RHBDD1: variants seen among roughly 807,000 people sequenced by gnomAD.
RHBDD1 encodes rhomboid-related protein 4.
A neutral mutation model predicts 36.3 loss-of-function variants in RHBDD1; 38 were observed. The observed-to-expected ratio is 1.05, with a 90% confidence interval of 0.81 to 1.37. RHBDD1 has a LOEUF of 1.37. RHBDD1 is among the 40% of genes most tolerant of loss of function. The probability of loss-of-function intolerance (pLI) is 0.00; values close to 1 mark genes in which losing one functional copy is unlikely to be tolerated. For synonymous variants in RHBDD1, 151 were observed against 136.5 expected (o/e 1.11, Z -0.74); for missense variants, 393 against 377.6 (o/e 1.04, Z -0.34).
chr2:226,971,770 T>C (rs1034112047), intron 8 of RHBDD1, among the ~76,000 whole-genome samples: 3 of 152,226 alleles, frequency 2.0e-5, no homozygotes, highest in African/African-American at 7.2e-5. Flanking sequence ...ATCTGTCATG[T>C]AATTTGTGTG....
Position 226,905,650 on chromosome 2 carries a change from G to A in RHBDD1, c.567-1143G>A, listed in dbSNP as rs532990027. Reference sequence around the variant, plus strand: ...GTGTGGGATGCACTGGAGAGCAAGAGCTGGCTTGCAGGGAGACCAGCTGGA... The same window carrying A: ...GTGTGGGATGCACTGGAGAGCAAGAACTGGCTTGCAGGGAGACCAGCTGGA... On this transcript the variant is annotated intron_variant, in intron 5 of 8. Transcript: ENST00000392062. Among the ~76,000 whole-genome samples, 216 of 152,344 alleles carry A rather than the reference G, an allele frequency of 1.4e-3. 9 individuals carry two copies. The South Asian group carries it at 0.043, about 30-fold the overall frequency.
intron 5 of RHBDD1, among the ~76,000 whole-genome samples, chr2:226,898,978 T>C (rs1947361346): frequency 6.6e-6 from 1 of 152,240 alleles, no homozygotes; most frequent in Non-Finnish European, 1.5e-5. Context: ...GATTATGTCT[T>C]AGAGTATTAC....
chr2:226,933,961 C>G (rs1413930713), intron 8 of RHBDD1, among the ~76,000 whole-genome samples: 2 of 151,932 alleles, frequency 1.3e-5, no homozygotes, highest in Non-Finnish European at 2.9e-5. Flanking sequence ...CTCTTGGATT[C>G]CAAGGTTTTA....
At chr2:226,887,157 G>A (rs1031029587) in intron 5 of RHBDD1, among the ~76,000 whole-genome samples, 4 of 152,122 alleles carry the variant, frequency 2.6e-5, no homozygotes, top group African/African-American at 4.8e-5. Context: ...TTCTAAGACT[G>A]TTTTAAAAGA....
intron 8 of RHBDD1, among the ~76,000 whole-genome samples, chr2:226,974,297 G>A (rs1189407966): frequency 1.3e-5 from 2 of 152,022 alleles, no homozygotes; most frequent in Non-Finnish European, 2.9e-5. Context: ...GAGTGCAGTG[G>A]TGTGATCTCG....
intron 5 of RHBDD1, chr2:226,869,235 G>C (rs1944585482): frequency 1.0e-6 from 1 of 962,632 alleles, no homozygotes; most frequent in Non-Finnish European, 1.2e-6. Flanking sequence ...AGCTTGGGAA[G>C]TAAATGAAAT....
intron 8 of RHBDD1, among the ~76,000 whole-genome samples, chr2:226,929,608 G>A (rs757012963): frequency 9.2e-5 from 14 of 151,910 alleles, no homozygotes; most frequent in Admixed American, 2.6e-4. Context: ...AAGGATGCCC[G>A]CTTTCACCAC....
chr2:226,984,460 G>A (rs567942070), intron 8 of RHBDD1, among the ~76,000 whole-genome samples: 2 of 152,178 alleles, frequency 1.3e-5, no homozygotes, highest in African/African-American at 4.8e-5. Flanking sequence ...GCCATCACGG[G>A]GGCTCCACCC....
the RHBDD1 span, among the ~76,000 whole-genome samples, chr2:226,816,164 T>A: frequency 6.6e-6 from 1 of 152,110 alleles, no homozygotes; most frequent in South Asian, 2.1e-4. Context: ...TTTCACCTTC[T>A]TCCCCCATGA....
At chr2:226,956,345 C>T (rs1340601905) in intron 8 of RHBDD1, among the ~76,000 whole-genome samples, 8 of 152,172 alleles carry the variant, frequency 5.3e-5, no homozygotes, top group Admixed American at 1.3e-4. Flanking sequence ...CATCTGGCCT[C>T]TCCAGACACG....
chr2:226,961,985 C>T (rs1208545332), intron 8 of RHBDD1, among the ~76,000 whole-genome samples: 3 of 152,156 alleles, frequency 2.0e-5, no homozygotes, highest in African/African-American at 4.8e-5. Flanking sequence ...CTAATGCCTC[C>T]GGTGTCTTTC....
At chr2:226,967,123 T>A (rs775267796) in intron 8 of RHBDD1, among the ~76,000 whole-genome samples, 2 of 152,188 alleles carry the variant, frequency 1.3e-5, no homozygotes, top group Admixed American at 6.5e-5. Context: ...GAACCTGTTA[T>A]AGAAGATGGA....
chr2:226,833,563 C>T (rs561221224), upstream of RHBDD1, among the ~76,000 whole-genome samples: 3 of 152,314 alleles, frequency 2.0e-5, no homozygotes, highest in East Asian at 5.8e-4. Flanking sequence ...TTCCTGTAAA[C>T]CTTAGATAAA....
chr2:226,930,339 C>T (rs187789649), intron 8 of RHBDD1, among the ~76,000 whole-genome samples: 1 of 151,928 alleles, frequency 6.6e-6, no homozygotes, highest in East Asian at 1.9e-4. Flanking sequence ...AATAGAGAAC[C>T]CAGAAATAAA....
chr2:226,982,603 A>G (rs1301342684), intron 8 of RHBDD1, among the ~76,000 whole-genome samples: 6 of 152,328 alleles, frequency 3.9e-5, no homozygotes, highest in Non-Finnish European at 7.4e-5. Flanking sequence ...TGTGAATTTC[A>G]TAGACAAAAC....
intron 5 of RHBDD1, among the ~76,000 whole-genome samples, chr2:226,887,676 CTT>C (rs1946345991): frequency 6.6e-6 from 1 of 152,212 alleles, no homozygotes; most frequent in East Asian, 1.9e-4. Context: ...TGAAAATGCT[CTT>C]GTCAAACAGT....
At chr2:226,964,466 A>G (rs1351542374) in intron 8 of RHBDD1, among the ~76,000 whole-genome samples, 5 of 152,078 alleles carry the variant, frequency 3.3e-5, no homozygotes, top group Admixed American at 3.3e-4. Context: ...TTGCAGGCCC[A>G]CCCACCTCCA....
intron 5 of RHBDD1, among the ~76,000 whole-genome samples, chr2:226,868,454 G>A (rs1944518163): frequency 6.6e-6 from 1 of 152,142 alleles, no homozygotes; most frequent in African/African-American, 2.4e-5. Flanking sequence ...GATAAGTTGT[G>A]TTATTTTTTC....
At chr2:226,892,129 C>A (rs1946740206) in intron 5 of RHBDD1, among the ~76,000 whole-genome samples, 1 of 152,190 alleles carries the variant, frequency 6.6e-6, no homozygotes. Flanking sequence ...TAAGCAGATT[C>A]AGCTCAAATG....
Sources: allele counts gnomAD v4.1 joint callset (sites outside exome capture counted in the v4.1 genomes callset), GRCh38; gene constraint gnomAD v4.1.1; transcripts MANE v1.5; gene names NCBI Gene and HGNC (gene_info 2026-07-23, HGNC 2026-07-21).